Variants in PRUNE2 observed in about 807,000 individuals in gnomAD.
PRUNE2 encodes the protein protein prune homolog 2.
In PRUNE2, 164 loss-of-function variants were observed where a neutral mutation model predicts 252.0. The observed-to-expected ratio is 0.65, with a 90% CI of 0.57 to 0.74. The LOEUF is 0.74. Ranked by LOEUF, PRUNE2 falls within the 30% of genes least tolerant of loss-of-function variation. The probability of loss-of-function intolerance (pLI) is 0.00; values close to 1 mark genes in which losing one functional copy is unlikely to be tolerated. For synonymous variants in PRUNE2, 1,292 were observed against 1,350.2 expected, an observed-to-expected ratio of 0.96 and a Z score of 0.94; for missense variants, 3,495 against 3,711.0, an observed-to-expected ratio of 0.94 and a Z score of 1.51.
intron 1 of PRUNE2, 51 bp downstream of exon 1, chr9:76,905,876 TC>T (rs2063466862): frequency 1.1e-5 from 18 of 1,611,466 alleles, no homozygotes; most frequent in Non-Finnish European, 1.5e-5. Flanking sequence ...TCTCCACCTT[TC>T]CATTAGCATA....
At chr9:76,750,017 G>A (rs1045827514) in intron 6 of PRUNE2, among the ~76,000 whole-genome samples, 2 of 151,984 alleles carry the variant, frequency 1.3e-5, no homozygotes, top group African/African-American at 4.8e-5. Flanking sequence ...TGGGCTTCTG[G>A]GTGGGCTTCC....
At chr9:76,826,820 T>A in intron 4 of PRUNE2, 88 bp from the exon 5 acceptor site, 1 of 1,090,100 alleles carries the variant, frequency 9.2e-7, no homozygotes, top group South Asian at 1.6e-5. Context: ...GGCCTCTCAA[T>A]CTAAGCTTTC....
chr9:76,879,721 T>C (rs952542113), intron 1 of PRUNE2, among the ~76,000 whole-genome samples: 1 of 151,356 alleles, frequency 6.6e-6, no homozygotes, highest in Non-Finnish European at 1.5e-5. Flanking sequence ...GGAGGGTTTG[T>C]TGCACATTTG....
At chr9:76,704,374 G>GCCC (rs2046149640) in intron 8 of PRUNE2, among the ~76,000 whole-genome samples, 1 of 151,822 alleles carries the variant, frequency 6.6e-6, no homozygotes, top group Non-Finnish European at 1.5e-5. Context: ...ACAGGCACCT[G>GCCC]CCCCCACGCC....
intron 4 of PRUNE2, among the ~76,000 whole-genome samples, chr9:76,840,847 G>T (rs1051270553): frequency 6.6e-6 from 1 of 152,132 alleles, no homozygotes; most frequent in Non-Finnish European, 1.5e-5. Flanking sequence ...CGGGCTTTGT[G>T]GCAGGCACCT....
In PRUNE2 at chr9:76,866,702, A is replaced by G. The variant is rs2132949138; in HGVS notation, c.37-12494T>C. On this transcript the variant is annotated intron_variant, in intron 1 of 18. Transcript: ENST00000376718. ...AAAAGGAAGGAAGGAAGGAAGAAAG[A>G]AAGGAAAGGAAGGAGGAAGGGAGGA... Among the ~76,000 whole-genome samples the G allele has an allele frequency of 1.3e-5, 2 of 150,912 alleles. 1 individual carries two copies. Among genetic ancestry groups the G allele is most frequent in the South Asian group, 4.2e-4 (2 of 4,790 alleles).
chr9:76,654,887 G>A (rs563045716), intron 10 of PRUNE2, among the ~76,000 whole-genome samples: 4 of 152,184 alleles, frequency 2.6e-5, no homozygotes, highest in Admixed American at 6.5e-5. Context: ...CCTGGAGTTG[G>A]TGTAATGCAA....
intron 16 of PRUNE2, chr9:76,627,931 C>T: frequency 3.3e-6 from 1 of 299,900 alleles, no homozygotes; most frequent in South Asian, 2.7e-5. Context: ...CATGAGAATT[C>T]TTTCCTTCCA....
chr9:76,763,612 G>T (rs1412494330), intron 6 of PRUNE2, among the ~76,000 whole-genome samples: 1 of 152,210 alleles, frequency 6.6e-6, no homozygotes, highest in Non-Finnish European at 1.5e-5. Context: ...AGGATCTGGT[G>T]TCGTCTATTT....
intron 9 of PRUNE2, among the ~76,000 whole-genome samples, chr9:76,661,261 T>G (rs1851312412): frequency 6.6e-6 from 1 of 152,200 alleles, no homozygotes; most frequent in Non-Finnish European, 1.5e-5. Flanking sequence ...ATCATTATTG[T>G]TAGTATTTTT....
intron 15 of PRUNE2, among the ~76,000 whole-genome samples, chr9:76,629,512 T>C (rs548401634): frequency 2.4e-4 from 37 of 152,308 alleles, no homozygotes; most frequent in African/African-American, 7.2e-4. Context: ...TAAATTGCCA[T>C]GTAAAAAAGT....
intron 6 of PRUNE2, among the ~76,000 whole-genome samples, chr9:76,800,808 C>T (rs563796696): frequency 3.9e-5 from 6 of 152,298 alleles, no homozygotes; most frequent in Non-Finnish European, 5.9e-5. Context: ...TGTGTGCATA[C>T]GCTGTCATAG....
At chr9:76,689,097 G>A (rs1188338700) in intron 9 of PRUNE2, among the ~76,000 whole-genome samples, 3 of 152,128 alleles carry the variant, frequency 2.0e-5, no homozygotes, top group Non-Finnish European at 4.4e-5. Context: ...GTCCTTCACA[G>A]CCATTTATTT....
At chr9:76,836,731 A>G (rs1422254628) in intron 4 of PRUNE2, among the ~76,000 whole-genome samples, 1 of 152,180 alleles carries the variant, frequency 6.6e-6, no homozygotes, top group Non-Finnish European at 1.5e-5. Flanking sequence ...AATTATTTCT[A>G]TTTTGTTAAA....
At chr9:76,717,060 C>A (rs1166521469) in intron 6 of PRUNE2, among the ~76,000 whole-genome samples, 1 of 152,170 alleles carries the variant, frequency 6.6e-6, no homozygotes, top group African/African-American at 2.4e-5. Flanking sequence ...CAGTTTTCCC[C>A]TGGGTGACCC....
At chr9:76,881,225 C>T (rs2061764569) in intron 1 of PRUNE2, among the ~76,000 whole-genome samples, 5 of 152,154 alleles carry the variant, frequency 3.3e-5, no homozygotes. Flanking sequence ...CTTGGCCTCC[C>T]AAAGTGCTGT....
intron 6 of PRUNE2, among the ~76,000 whole-genome samples, chr9:76,802,455 C>A (rs2056629405): frequency 6.6e-6 from 1 of 152,166 alleles, no homozygotes; most frequent in East Asian, 1.9e-4. Context: ...ATTTTACATA[C>A]CCTAACTTCT....
chr9:76,679,560 A>G (rs1329767132), intron 9 of PRUNE2, among the ~76,000 whole-genome samples: 1 of 152,176 alleles, frequency 6.6e-6, no homozygotes, highest in Non-Finnish European at 1.5e-5. Context: ...GAAGGCTGAG[A>G]TAGAAGGATT....
At chr9:76,873,033 A>T (rs955575969) in intron 1 of PRUNE2, among the ~76,000 whole-genome samples, 14 of 152,190 alleles carry the variant, frequency 9.2e-5, no homozygotes, top group Admixed American at 8.5e-4. Flanking sequence ...ATGTGAAGAC[A>T]CAGGGAGAAG....
Sources: gnomAD v4.1 joint callset for allele counts (sites outside exome capture counted in the v4.1 genomes callset) on GRCh38, gnomAD v4.1.1 for gene constraint, MANE v1.5 for transcripts, NCBI Gene and HGNC (gene_info 2026-07-23, HGNC 2026-07-21) for gene names.